DNAI1: variants seen among roughly 807,000 people sequenced by gnomAD.
DNAI1 encodes dynein axonemal intermediate chain 1.
DNAI1 carries 67 observed loss-of-function variants against 92.0 expected under a neutral mutation model. That is an observed-to-expected ratio of 0.73 (90% CI 0.60 to 0.89). The LOEUF (loss-of-function observed/expected upper bound fraction) is 0.89, where lower values mean the gene tolerates loss of function less well. Among genes scored for constraint, DNAI1 ranks in the 40% least tolerant of loss-of-function variants. The pLI, the probability that DNAI1 is intolerant of heterozygous loss-of-function variation, is 0.00. For synonymous variants in DNAI1, 323 were observed against 319.6 expected (o/e 1.01, Z -0.11); for missense variants, 839 against 866.6 (o/e 0.97, Z 0.40).
chr9:34,489,049 G>T, intron 4 of DNAI1: 1 of 395,124 alleles, frequency 2.5e-6, no homozygotes, highest in Non-Finnish European at 4.8e-6. Context: ...CCAGTGATAG[G>T]CAAATCTGGA....
chr9:34,468,307 G>C (rs1236331471), intron 1 of DNAI1, among the ~76,000 whole-genome samples: 4 of 151,220 alleles, frequency 2.6e-5, no homozygotes, highest in Admixed American at 6.6e-5. Flanking sequence ...TCAGCCTCCC[G>C]AGTAGCTGGG....
At chr9:34,510,349 G>T (rs529624044) in intron 13 of DNAI1, among the ~76,000 whole-genome samples, 2 of 151,634 alleles carry the variant, frequency 1.3e-5, no homozygotes, top group African/African-American at 4.8e-5. Flanking sequence ...ACTCTGTGGG[G>T]TGTGTGTGTG....
intron 1 of DNAI1, among the ~76,000 whole-genome samples, chr9:34,469,871 C>T (rs376765495): frequency 9.2e-5 from 14 of 152,266 alleles, no homozygotes; most frequent in African/African-American, 3.4e-4. Flanking sequence ...TGAGCCACTG[C>T]GCCCAGCCCT....
At chr9:34,483,997 C>G (rs1023178188) in intron 2 of DNAI1, among the ~76,000 whole-genome samples, 4 of 152,142 alleles carry the variant, frequency 2.6e-5, no homozygotes, top group African/African-American at 9.7e-5. Flanking sequence ...AGGTGGATCA[C>G]TTGAGGTCAG....
intron 18 of DNAI1, 124 bp from the exon 19 acceptor site, chr9:34,517,161 C>T (rs1324081821): frequency 2.0e-6 from 2 of 1,014,262 alleles, no homozygotes; most frequent in African/African-American, 3.2e-5. Context: ...CCTCCACCTC[C>T]AGCTCCAGTG....
intron 19 of DNAI1, among the ~76,000 whole-genome samples, chr9:34,518,592 C>T (rs1825213342): frequency 6.6e-6 from 1 of 152,198 alleles, no homozygotes; most frequent in African/African-American, 2.4e-5. Context: ...GCTAGTTGGC[C>T]TCAAGGAGGA....
intron 1 of DNAI1, among the ~76,000 whole-genome samples, chr9:34,473,871 C>T (rs1824187685): frequency 1.3e-5 from 2 of 151,730 alleles, no homozygotes; most frequent in South Asian, 4.2e-4. Context: ...ACTATTGGTA[C>T]ACCCCACTAC....
intron 16 of DNAI1, 117 bp downstream of exon 16, chr9:34,513,308 G>T (rs1255185316): frequency 4.9e-6 from 4 of 811,646 alleles, no homozygotes; most frequent in South Asian, 2.8e-5. Flanking sequence ...GTTCTAGAAG[G>T]CCTCTTGAGG....
In DNAI1 at chr9:34,489,356, C is replaced by T; in HGVS notation, c.295C>T (p.Gln99Ter). Residue 99 changes from glutamine (Q) to a stop codon, truncating the protein, a stop_gained, in exon 5 of 20, where the codon CAA becomes TAA. Transcript: ENST00000242317. LOFTEE classifies it high-confidence loss of function. Reference sequence around the variant, plus strand: ...ATATAAGCCTATTGGCTTTGTGAACCAACTGGCAGTTCACTACACCCAGGT... The same window carrying T: ...ATATAAGCCTATTGGCTTTGTGAACTAACTGGCAGTTCACTACACCCAGGT... ...GTYKPIGFVN[Q>*]LAVHYTQVGN... 6.2e-7 allele frequency: 1 copy of T among 1,614,060 alleles called. No individual in the cohort carries two copies.
intron 7 of DNAI1, among the ~76,000 whole-genome samples, chr9:34,491,040 T>C (rs1323696005): frequency 6.6e-6 from 1 of 152,192 alleles, no homozygotes; most frequent in Non-Finnish European, 1.5e-5. Context: ...CCCTGTGTGG[T>C]CCCTATGCTA....
chr9:34,491,602 A>G (rs1824596258), intron 8 of DNAI1, 48 bp downstream of exon 8: 1 of 1,604,364 alleles, frequency 6.2e-7, no homozygotes, highest in Non-Finnish European at 8.5e-7. Context: ...ACCTCTATGT[A>G]TCCTTTCCTC....
chr9:34,492,532 A>ATATATATATATATG (rs1824630371), intron 8 of DNAI1, among the ~76,000 whole-genome samples: 1 of 120,264 alleles, frequency 8.3e-6, no homozygotes. Flanking sequence ...ATATATATAT[A>ATATATATATATATG]TATTTGAGAC....
intron 13 of DNAI1, among the ~76,000 whole-genome samples, chr9:34,510,018 T>C (rs867933131): frequency 2.7e-5 from 4 of 150,868 alleles, no homozygotes; most frequent in African/African-American, 4.9e-5. Flanking sequence ...AGCATGGAGG[T>C]TGAAGGAAAG....
rs756828891 is a variant in DNAI1, at chr9:34,490,022, G to T, written c.399G>T (p.Glu133Asp). The T allele has an allele frequency of 1.2e-6, 2 of 1,614,042 alleles. No homozygotes were observed. Among genetic ancestry groups the T allele is most frequent in the African/African-American group, 2.7e-5 (2 of 74,936 alleles). The change falls in exon 6 of 20, where the codon GAG becomes GAT. Residue 133 changes from glutamate (E) to aspartate (D), a missense_variant. Glu to Asp is a conservative substitution (Grantham distance 45, BLOSUM62 2). Coordinates refer to ENST00000242317, the MANE Select transcript of DNAI1 (RefSeq NM_012144.4). ...CAGTATCCTACCAAGGTTCTCAGGAGTCTGTCAAGGTGATTTCAGAAACAG... is the reference window on the plus strand; with the variant it reads ...CAGTATCCTACCAAGGTTCTCAGGATTCTGTCAAGGTGATTTCAGAAACAG... ...YRDELVAGSQ[E>D]SVKVISETGN... is the part of the protein sequence containing the mutation.
At chr9:34,500,173 A>G (rs1478089465) in intron 10 of DNAI1, among the ~76,000 whole-genome samples, 1 of 152,198 alleles carries the variant, frequency 6.6e-6, no homozygotes, top group African/African-American at 2.4e-5. Flanking sequence ...ACTTAAAGAA[A>G]GTGGAAGGCA....
Position 34,512,422 on chromosome 9 carries a change from TG to T in DNAI1, c.1489+1del, listed in dbSNP as rs1564041988. 2.5e-6 allele frequency: 4 copies of T among 1,614,082 alleles called. No individual in the cohort carries two copies. The highest frequency in any genetic ancestry group is 3.4e-6 in the Non-Finnish European group (4 of 1,179,974). On this transcript the variant is annotated frameshift_variant and splice_region_variant, in exon 15 of 20. Transcript: ENST00000242317. LOFTEE classifies it high-confidence loss of function. ...EVPEGLQLHP[V>X]GCGTAFDFHK... ...CCTGAGGGGTTGCAGCTGCACCCAG[TG>T]GGTAGGAGCCCCAGCCCTCTCACCT...
In DNAI1 at chr9:34,493,331, T is replaced by G; in HGVS notation, c.816+3T>G. 1 of 1,614,042 alleles carries G rather than the reference T, an allele frequency of 6.2e-7. No individual in the cohort carries two copies. Among genetic ancestry groups the G allele is most frequent in the South Asian group, 1.1e-5 (1 of 91,088 alleles). ...AGCTGACATCTATGGAGTCTCAGGT[T>G]TGGTGTTAGTTCCTACAGCTCTGCC... On this transcript the variant is annotated splice_donor_region_variant and intron_variant, in intron 9 of 19. Transcript: ENST00000242317.
rs1824824658 is a variant in DNAI1, at chr9:34,501,168, G to A, written c.1050G>A (p.Val350=). The A allele has an allele frequency of 1.2e-6, 2 of 1,613,274 alleles. No individual in the cohort carries two copies. The highest frequency in any genetic ancestry group is 2.2e-5 in the East Asian group (1 of 44,876). Residue 350 remains valine, a synonymous_variant, in exon 12 of 20, where the codon GTG becomes GTA. Transcript: ENST00000242317. ...CAAAGTACAGGGATCTGTTTGCAGT[G>A]GGATATGGCTCTTGTAAGTGATCTG... ...WNPKYRDLFA[V]GYGSYDFMKQ...
chr9:34,491,665 C>T, intron 8 of DNAI1, 111 bp downstream of exon 8: 2 of 1,176,358 alleles, frequency 1.7e-6, no homozygotes, highest in Non-Finnish European at 2.5e-6. Context: ...AGTCTGCCCT[C>T]CTCATCTACT....
Sources: allele counts gnomAD v4.1 joint callset (sites outside exome capture counted in the v4.1 genomes callset), GRCh38; gene constraint gnomAD v4.1.1; transcripts MANE v1.5; gene names NCBI Gene and HGNC (gene_info 2026-07-23, HGNC 2026-07-21).